The following BAZ2B variants were observed in gnomAD, a reference collection of about 807,000 sequenced individuals.
The protein encoded by BAZ2B is bromodomain adjacent to zinc finger domain protein 2B.
A neutral mutation model predicts 246.0 loss-of-function variants in BAZ2B; 91 were observed. That is an observed-to-expected ratio of 0.37 (90% confidence interval 0.31 to 0.44). The LOEUF (loss-of-function observed/expected upper bound fraction) is 0.44. BAZ2B is among the 20% of genes least tolerant of loss of function. The pLI, the probability that BAZ2B is intolerant of heterozygous loss-of-function variation, is 1.00. For missense variants in BAZ2B, 2,332 were observed against 2,533.7 expected (o/e 0.92, Z 1.71); for synonymous variants, 855 against 860.0 (o/e 0.99, Z 0.10).
intron 2 of BAZ2B, among the ~76,000 whole-genome samples, chr2:159,503,324 A>T (rs2082023482): frequency 6.6e-6 from 1 of 151,928 alleles, no homozygotes; most frequent in Admixed American, 6.6e-5. Context: ...CAAATACACC[A>T]CTGTCTCCTC....
the BAZ2B span, among the ~76,000 whole-genome samples, chr2:159,710,212 C>CT: frequency 0.43 from 61,632 of 143,636 alleles, 13,383 homozygotes; most frequent in Middle Eastern, 0.57. Context: ...AGCAAAATGT[C>CT]TTTTTTTTTT....
At chr2:159,409,054 T>G (rs1403035102) in intron 14 of BAZ2B, among the ~76,000 whole-genome samples, 3 of 152,078 alleles carry the variant, frequency 2.0e-5, no homozygotes, top group Admixed American at 2.0e-4. Flanking sequence ...TTTGTTTTTT[T>G]TTTGGTTGGT....
chr2:159,575,146 G>C (rs1685001363), intron 1 of BAZ2B, among the ~76,000 whole-genome samples: 2 of 152,280 alleles, frequency 1.3e-5, no homozygotes, highest in South Asian at 4.1e-4. Flanking sequence ...TCCATAGAGA[G>C]AGAAAGTAGG....
At chr2:159,643,469 A>G in the BAZ2B span, among the ~76,000 whole-genome samples, 1 of 152,180 alleles carries the variant, frequency 6.6e-6, no homozygotes, top group East Asian at 1.9e-4. Context: ...AGCCACATTG[A>G]AGTTTAGGGC....
At chr2:159,600,611 G>A (rs1162794787) in intron 1 of BAZ2B, among the ~76,000 whole-genome samples, 1 of 152,216 alleles carries the variant, frequency 6.6e-6, no homozygotes, top group African/African-American at 2.4e-5. Context: ...CAAAATTAGT[G>A]TGGGAACCAG....
intron 3 of BAZ2B, chr2:159,460,062 C>G (rs560111099): frequency 6.6e-6 from 1 of 152,024 alleles, no homozygotes; most frequent in Non-Finnish European, 1.5e-5. Flanking sequence ...TAATACACAT[C>G]TGCAATGCCT....
At chr2:159,390,296 T>G (rs747935627) in intron 20 of BAZ2B, among the ~76,000 whole-genome samples, 13 of 152,146 alleles carry the variant, frequency 8.5e-5, no homozygotes, top group Non-Finnish European at 1.6e-4. Flanking sequence ...TACTTTTGAA[T>G]TCCAGACTCT....
At chr2:159,493,053 A>T (rs886225395) in intron 2 of BAZ2B, among the ~76,000 whole-genome samples, 1 of 152,182 alleles carries the variant, frequency 6.6e-6, no homozygotes, top group African/African-American at 2.4e-5. Context: ...CACTTTAAAC[A>T]GTTCTTTTGT....
chr2:159,568,795 G>T (rs1683240219), intron 1 of BAZ2B, among the ~76,000 whole-genome samples: 1 of 152,116 alleles, frequency 6.6e-6, no homozygotes, highest in African/African-American at 2.4e-5. Context: ...TCCTAATTGT[G>T]ATTCTTAAGA....
chr2:159,702,301 T>C, the BAZ2B span, among the ~76,000 whole-genome samples: 58 of 152,356 alleles, frequency 3.8e-4, no homozygotes, highest in African/African-American at 1.3e-3. Flanking sequence ...ATCATGTCTA[T>C]GTAGCTTTCT....
chr2:159,436,815 T>C (rs1220267774), intron 8 of BAZ2B, among the ~76,000 whole-genome samples: 1 of 152,080 alleles, frequency 6.6e-6, no homozygotes, highest in African/African-American at 2.4e-5. Flanking sequence ...AAAATTCTAC[T>C]CCTGGTCTAT....
In BAZ2B at chr2:159,386,581, T is replaced by G. The variant is rs559391772; in HGVS notation, c.3243A>C (p.Pro1081=). ...QKPLPELPRI[P]GLVLSGSTFS... is the part of the protein sequence containing the mutation. Reference sequence around the variant, plus strand: ...ATGTACTTCCAGAGAGAACAAGTCCTGGAATACGAGGCAACTCTGGCAAAG... The same window carrying G: ...ATGTACTTCCAGAGAGAACAAGTCCGGGAATACGAGGCAACTCTGGCAAAG... The change falls in exon 22 of 37, where the codon CCA becomes CCC. Residue 1081 remains proline, a synonymous_variant. Transcript: ENST00000392783. 6.2e-7 allele frequency: 1 copy of G among 1,610,592 alleles called. No individual in the cohort carries two copies. The highest frequency in any genetic ancestry group is 1.3e-5 in the African/African-American group (1 of 74,858).
At chr2:159,641,176 A>T in the BAZ2B span, among the ~76,000 whole-genome samples, 1 of 152,192 alleles carries the variant, frequency 6.6e-6, no homozygotes, top group Admixed American at 6.5e-5. Context: ...ACTAATTTAC[A>T]CTACCATTAA....
chr2:159,576,530 T>TA (rs201605899), intron 1 of BAZ2B, among the ~76,000 whole-genome samples: 27 of 94,982 alleles, frequency 2.8e-4, no homozygotes, highest in Non-Finnish European at 4.4e-4. Context: ...TATCAAAGGT[T>TA]TAAAAAAAAA....
At chr2:159,710,079 G>C in the BAZ2B span, among the ~76,000 whole-genome samples, 4 of 152,174 alleles carry the variant, frequency 2.6e-5, no homozygotes, top group Non-Finnish European at 5.9e-5. Flanking sequence ...ACGGTGTCTA[G>C]ATTGTCTGGA....
chr2:159,488,800 G>A (rs1397319361), intron 2 of BAZ2B, among the ~76,000 whole-genome samples: 1 of 152,052 alleles, frequency 6.6e-6, no homozygotes, highest in Non-Finnish European at 1.5e-5. Context: ...TTTTACAGAG[G>A]TAAAATCTAT....
chr2:159,386,292 G>GCTA, intron 22 of BAZ2B, 61 bp downstream of exon 22: 3 of 1,442,036 alleles, frequency 2.1e-6, no homozygotes, highest in Non-Finnish European at 2.8e-6. Flanking sequence ...ATATGCTAAA[G>GCTA]CTATCTACCA....
chr2:159,442,321 TCAG>T (rs2073561257), intron 6 of BAZ2B, among the ~76,000 whole-genome samples: 1 of 152,008 alleles, frequency 6.6e-6, no homozygotes, highest in Admixed American at 6.6e-5. Context: ...AATGAAAAGG[TCAG>T]CAGACCAGTT....
At chr2:159,668,323 G>A in the BAZ2B span, among the ~76,000 whole-genome samples, 48 of 152,122 alleles carry the variant, frequency 3.2e-4, no homozygotes, top group Admixed American at 2.6e-4. Context: ...TTGCCCTAAT[G>A]CAATGTCTAG....
Sources: allele counts gnomAD v4.1 joint callset (sites outside exome capture counted in the v4.1 genomes callset), GRCh38; gene constraint gnomAD v4.1.1; transcripts MANE v1.5; gene names NCBI Gene and HGNC (gene_info 2026-07-23, HGNC 2026-07-21).